Variants in ZNF521 observed in about 807,000 individuals in gnomAD.
ZNF521 encodes the protein zinc finger protein 521.
Under a neutral mutation model 105.5 loss-of-function variants are expected in ZNF521, and 14 were observed. The observed-to-expected ratio is 0.13, with a 90% CI of 0.09 to 0.21. The LOEUF (loss-of-function observed/expected upper bound fraction) is 0.21, where lower values mean the gene tolerates loss of function less well. Among genes scored for constraint, ZNF521 ranks in the 10% least tolerant of loss-of-function variants. The pLI is 1.00. For missense variants in ZNF521, 1,233 were observed against 1,629.7 expected (o/e 0.76, Z 4.19); for synonymous variants, 635 against 606.0 (o/e 1.05, Z -0.70).
chr18:25,136,897 T>G (rs952769572), intron 5 of ZNF521, among the ~76,000 whole-genome samples: 1 of 152,074 alleles, frequency 6.6e-6, no homozygotes, highest in Non-Finnish European at 1.5e-5. Context: ...TGTGAGTGAG[T>G]GTGCCGAATG....
intron 7 of ZNF521, among the ~76,000 whole-genome samples, chr18:25,067,883 A>G (rs898035273): frequency 2.0e-5 from 3 of 151,198 alleles, no homozygotes; most frequent in African/African-American, 7.3e-5. Context: ...GTGGTCATAA[A>G]AACAAAAATG....
intron 5 of ZNF521, among the ~76,000 whole-genome samples, chr18:25,133,857 C>T (rs1418431170): frequency 6.6e-6 from 1 of 151,680 alleles, no homozygotes; most frequent in African/African-American, 2.4e-5. Flanking sequence ...AATGTGTAGA[C>T]TTATTGATAA....
intron 7 of ZNF521, among the ~76,000 whole-genome samples, chr18:25,077,944 A>G (rs1202455684): frequency 6.6e-6 from 1 of 152,186 alleles, no homozygotes; most frequent in Admixed American, 6.5e-5. Context: ...GAAGAAGAAA[A>G]AAAAAACATT....
chr18:25,071,088 G>A (rs1303968254), intron 7 of ZNF521, among the ~76,000 whole-genome samples: 1 of 152,146 alleles, frequency 6.6e-6, no homozygotes, highest in Admixed American at 6.5e-5. Context: ...AACACATTGA[G>A]CTTGCTATAC....
intron 3 of ZNF521, among the ~76,000 whole-genome samples, chr18:25,317,784 A>G (rs1160931297): frequency 6.6e-6 from 1 of 152,212 alleles, no homozygotes; most frequent in Non-Finnish European, 1.5e-5. Context: ...CACAAAAAAT[A>G]CCAATAAATG....
intron 4 of ZNF521, 97 bp downstream of exon 4, chr18:25,224,248 G>C: frequency 8.8e-7 from 1 of 1,134,210 alleles, no homozygotes. Flanking sequence ...GCATCTTTTG[G>C]CCCATGACAA....
At chr18:25,238,709 A>C (rs1309269685) in intron 3 of ZNF521, among the ~76,000 whole-genome samples, 1 of 152,148 alleles carries the variant, frequency 6.6e-6, no homozygotes, top group African/African-American at 2.4e-5. Flanking sequence ...CTGGCTGTAC[A>C]CAACAAAACC....
intron 5 of ZNF521, among the ~76,000 whole-genome samples, chr18:25,164,704 G>C (rs1370885701): frequency 1.3e-5 from 2 of 152,204 alleles, no homozygotes; most frequent in African/African-American, 4.8e-5. Context: ...GGAAGGAAAA[G>C]GTGGTTAGAG....
At chr18:25,157,624 A>C (rs2035171434) in intron 5 of ZNF521, among the ~76,000 whole-genome samples, 2 of 152,254 alleles carry the variant, frequency 1.3e-5, no homozygotes, top group African/African-American at 4.8e-5. Context: ...GCAATCATTA[A>C]GGCATATAAA....
At chr18:25,228,648 A>G (rs1906333301) in intron 3 of ZNF521, among the ~76,000 whole-genome samples, 1 of 152,230 alleles carries the variant, frequency 6.6e-6, no homozygotes, top group Non-Finnish European at 1.5e-5. Flanking sequence ...AAAAGTGATA[A>G]ATGATTATGG....
At chr18:25,234,047 G>A (rs573357025) in intron 3 of ZNF521, among the ~76,000 whole-genome samples, 3 of 152,246 alleles carry the variant, frequency 2.0e-5, no homozygotes, top group South Asian at 2.1e-4. Context: ...ATCCTCTCTC[G>A]CACGGAAATC....
In ZNF521 at chr18:25,196,261, T is replaced by C. The variant is rs796152221; in HGVS notation, c.3574-1017A>G. Among the ~76,000 whole-genome samples the C allele has an allele frequency of 1.4e-4, 21 of 151,798 alleles. 1 individual carries two copies. Among genetic ancestry groups the C allele is most frequent in the African/African-American group, 5.1e-4 (21 of 41,500 alleles). On this transcript the variant is annotated intron_variant, in intron 4 of 7. Transcript: ENST00000361524. ...ACATGAGAAAATTACATTTGTAAAA[T>C]CACATAAATGACATTTTCTTATAAG...
intron 3 of ZNF521, among the ~76,000 whole-genome samples, chr18:25,318,152 T>A (rs1356825368): frequency 1.3e-5 from 2 of 152,170 alleles, no homozygotes; most frequent in African/African-American, 4.8e-5. Flanking sequence ...ACACTACTTA[T>A]ATACACAACA....
chr18:25,168,700 A>G (rs1007467323), intron 5 of ZNF521, among the ~76,000 whole-genome samples: 3 of 152,242 alleles, frequency 2.0e-5, no homozygotes, highest in African/African-American at 7.2e-5. Flanking sequence ...CATTCCTTAC[A>G]CTTTTGACTC....
At chr18:25,303,044 G>A (rs906778925) in intron 3 of ZNF521, 2 of 152,088 alleles carry the variant, frequency 1.3e-5, no homozygotes, top group African/African-American at 2.4e-5. Context: ...CAGGCAGCAG[G>A]GCCTGTTAGC....
intron 5 of ZNF521, among the ~76,000 whole-genome samples, chr18:25,152,381 A>T (rs2035064268): frequency 6.6e-6 from 1 of 151,844 alleles, no homozygotes; most frequent in Non-Finnish European, 1.5e-5. Flanking sequence ...CGGGAGGCTG[A>T]TGTAGGAGAA....
chr18:25,230,789 C>G (rs1054250017), intron 3 of ZNF521, among the ~76,000 whole-genome samples: 2 of 152,036 alleles, frequency 1.3e-5, no homozygotes, highest in Non-Finnish European at 2.9e-5. Context: ...GCTGACTCTC[C>G]GAGAGCTGTA....
At chr18:25,211,197 T>G (rs1485889861) in intron 4 of ZNF521, among the ~76,000 whole-genome samples, 1 of 152,228 alleles carries the variant, frequency 6.6e-6, no homozygotes, top group Non-Finnish European at 1.5e-5. Flanking sequence ...GGTTTCAGGC[T>G]CAGAGCCTTT....
intron 2 of ZNF521, among the ~76,000 whole-genome samples, chr18:25,332,398 C>T (rs1286883452): frequency 1.4e-5 from 2 of 144,770 alleles, no homozygotes; most frequent in Non-Finnish European, 3.0e-5. Flanking sequence ...CTATTATAAA[C>T]TACAAGAAAA....
Sources: allele counts gnomAD v4.1 joint callset (sites outside exome capture counted in the v4.1 genomes callset), GRCh38; gene constraint gnomAD v4.1.1; transcripts MANE v1.5; gene names NCBI Gene and HGNC (gene_info 2026-07-23, HGNC 2026-07-21).